Variants in FER observed in about 807,000 individuals in gnomAD.
The protein encoded by FER is tyrosine-protein kinase Fer.
Under a neutral mutation model 111.0 loss-of-function variants are expected in FER, and 63 were observed. That is an observed-to-expected ratio of 0.57 (90% CI 0.46 to 0.70). The LOEUF is 0.70. Among genes scored for constraint, FER ranks in the 30% least tolerant of loss-of-function variants. FER has a pLI of 0.00. For synonymous variants in FER, 327 were observed against 313.9 expected, an observed-to-expected ratio of 1.04 and a Z score of -0.44; for missense variants, 914 against 954.0, an observed-to-expected ratio of 0.96 and a Z score of 0.55.
intron 5 of FER, among the ~76,000 whole-genome samples, chr5:108,837,825 A>G (rs897534910): frequency 3.9e-5 from 6 of 152,196 alleles, no homozygotes; most frequent in African/African-American, 1.4e-4. Flanking sequence ...GTTGGAAGGC[A>G]ACGAGAGAAT....
At chr5:109,073,412 A>G (rs1400306771) in intron 16 of FER, among the ~76,000 whole-genome samples, 1 of 152,062 alleles carries the variant, frequency 6.6e-6, no homozygotes, top group Non-Finnish European at 1.5e-5. Context: ...AGTCCGTCAT[A>G]ATTTATTTAA....
chr5:109,041,704 T>G (rs1453259584), intron 14 of FER, among the ~76,000 whole-genome samples: 2 of 152,154 alleles, frequency 1.3e-5, no homozygotes, highest in East Asian at 3.8e-4. Flanking sequence ...AGACTGACAG[T>G]TACCCAACAG....
intron 5 of FER, among the ~76,000 whole-genome samples, chr5:108,863,939 A>G (rs1428494852): frequency 6.6e-6 from 1 of 152,206 alleles, no homozygotes; most frequent in African/African-American, 2.4e-5. Flanking sequence ...TCAGGTGAGA[A>G]CTAAATTAAT....
At chr5:108,759,414 A>G (rs1751469674) in intron 1 of FER, among the ~76,000 whole-genome samples, 1 of 152,202 alleles carries the variant, frequency 6.6e-6, no homozygotes, top group African/African-American at 2.4e-5. Context: ...CATCTTCAGA[A>G]CTGTTATAGC....
chr5:108,868,039 TTTA>T (rs1174871043), intron 6 of FER, 89 bp downstream of exon 6: 1 of 1,254,752 alleles, frequency 8.0e-7, no homozygotes, highest in Non-Finnish European at 1.1e-6. Flanking sequence ...CTTCATAAGT[TTTA>T]TTATTAACCC....
At chr5:109,139,292 C>T (rs1446623244) in intron 17 of FER, among the ~76,000 whole-genome samples, 3 of 151,434 alleles carry the variant, frequency 2.0e-5, no homozygotes, top group Non-Finnish European at 4.4e-5. Context: ...AAGATTCCCA[C>T]CCCCACCCTG....
intron 16 of FER, among the ~76,000 whole-genome samples, chr5:109,085,184 C>T (rs1009399709): frequency 5.3e-5 from 8 of 151,754 alleles, no homozygotes; most frequent in Non-Finnish European, 1.2e-4. Context: ...AATATTAAGC[C>T]TTCCAATTTA....
intron 5 of FER, among the ~76,000 whole-genome samples, chr5:108,837,110 G>C (rs946814594): frequency 6.6e-6 from 1 of 152,174 alleles, no homozygotes; most frequent in African/African-American, 2.4e-5. Flanking sequence ...AAGAGCACAG[G>C]CTTTGGAGTC....
At chr5:108,916,896 T>C (rs1752344598) in intron 10 of FER, among the ~76,000 whole-genome samples, 1 of 152,178 alleles carries the variant, frequency 6.6e-6, no homozygotes, top group South Asian at 2.1e-4. Flanking sequence ...TTATATTTGA[T>C]CATGTTTTCC....
At chr5:108,959,427 T>C (rs1758867754) in intron 13 of FER, 80 bp downstream of exon 13, 1 of 1,448,618 alleles carries the variant, frequency 6.9e-7, no homozygotes, top group African/African-American at 1.4e-5. Flanking sequence ...TAAATAAAAT[T>C]CTTAGGTTAT....
At chr5:109,144,830 T>C (rs1753904342) in intron 17 of FER, among the ~76,000 whole-genome samples, 1 of 152,076 alleles carries the variant, frequency 6.6e-6, no homozygotes, top group Non-Finnish European at 1.5e-5. Context: ...ACAAATATCT[T>C]TTGTATTGAT....
intron 10 of FER, among the ~76,000 whole-genome samples, chr5:108,905,213 A>T (rs1247352770): frequency 6.6e-6 from 1 of 152,132 alleles, no homozygotes; most frequent in African/African-American, 2.4e-5. Flanking sequence ...ACAATGCTTA[A>T]ACTTTCAAAG....
At chr5:108,763,300 C>G (rs757266190) in intron 1 of FER, among the ~76,000 whole-genome samples, 7 of 152,192 alleles carry the variant, frequency 4.6e-5, no homozygotes, top group Non-Finnish European at 8.8e-5. Flanking sequence ...GGGTCAGAGA[C>G]TCAGAGGGTT....
At chr5:109,121,588 A>G (rs1383450080) in intron 17 of FER, among the ~76,000 whole-genome samples, 1 of 152,098 alleles carries the variant, frequency 6.6e-6, no homozygotes, top group Non-Finnish European at 1.5e-5. Flanking sequence ...TTTTAGTATC[A>G]GGTTAATAGT....
At chr5:108,936,672 A>T (rs1755520850) in intron 10 of FER, among the ~76,000 whole-genome samples, 2 of 152,014 alleles carry the variant, frequency 1.3e-5, no homozygotes, top group Admixed American at 1.3e-4. Context: ...GTTATTTATA[A>T]TATTTGGTAA....
chr5:109,118,642 T>G (rs1582110680), intron 17 of FER, among the ~76,000 whole-genome samples: 1 of 152,132 alleles, frequency 6.6e-6, no homozygotes, highest in Non-Finnish European at 1.5e-5. Context: ...GTCCTGGACT[T>G]TTTTTGGTTG....
At chr5:109,007,482 T>C (rs1225331529) in intron 13 of FER, among the ~76,000 whole-genome samples, 2 of 152,188 alleles carry the variant, frequency 1.3e-5, no homozygotes, top group Non-Finnish European at 2.9e-5. Flanking sequence ...CCCAGCTACT[T>C]ACCCTTTGGA....
intron 17 of FER, among the ~76,000 whole-genome samples, chr5:109,145,223 C>T (rs182945189): frequency 1.3e-5 from 2 of 151,996 alleles, no homozygotes; most frequent in African/African-American, 2.4e-5. Flanking sequence ...ACTGACTTCA[C>T]CCAGTATGTC....
chr5:109,140,784 A>G (rs937605374), intron 17 of FER, among the ~76,000 whole-genome samples: 5 of 152,180 alleles, frequency 3.3e-5, no homozygotes, highest in African/African-American at 1.2e-4. Context: ...AGGGTGGAGT[A>G]TATTTAAATC....
Sources: gnomAD v4.1 joint callset for allele counts (sites outside exome capture counted in the v4.1 genomes callset) on GRCh38, gnomAD v4.1.1 for gene constraint, MANE v1.5 for transcripts, NCBI Gene and HGNC (gene_info 2026-07-23, HGNC 2026-07-21) for gene names.